The following LMBR1 variants were observed in gnomAD, a reference collection of about 807,000 sequenced individuals.
LMBR1 encodes limb region 1 protein homolog.
A neutral mutation model predicts 73.9 loss-of-function variants in LMBR1; 52 were observed. The ratio of observed to expected loss-of-function variants is 0.70; its 90% CI spans 0.56 to 0.89. The LOEUF (loss-of-function observed/expected upper bound fraction) is 0.89. Ranked by LOEUF, LMBR1 falls within the 40% of genes least tolerant of loss-of-function variation. The pLI is 0.00. For synonymous variants in LMBR1, 215 were observed against 209.4 expected, an observed-to-expected ratio of 1.03 and a Z score of -0.23; for missense variants, 539 against 579.8, an observed-to-expected ratio of 0.93 and a Z score of 0.72.
chr7:156,839,535 T>A (rs1298093635), intron 1 of LMBR1, among the ~76,000 whole-genome samples: 1 of 152,130 alleles, frequency 6.6e-6, no homozygotes, highest in Non-Finnish European at 1.5e-5. Context: ...GACTCTCAAA[T>A]GAAACCATTC....
chr7:156,704,198 C>T (rs559320461), intron 15 of LMBR1, among the ~76,000 whole-genome samples: 8 of 152,312 alleles, frequency 5.3e-5, no homozygotes, highest in South Asian at 4.1e-4. Context: ...GGCACAAGAA[C>T]AGACATGCTT....
At chr7:156,889,821 T>C (rs1357173143) in intron 1 of LMBR1, among the ~76,000 whole-genome samples, 1 of 152,072 alleles carries the variant, frequency 6.6e-6, no homozygotes, top group Middle Eastern at 3.2e-3. Context: ...AGACCTCACC[T>C]CTACAAAAAA....
At chr7:156,853,561 A>G (rs560697410) in intron 1 of LMBR1, among the ~76,000 whole-genome samples, 1 of 152,370 alleles carries the variant, frequency 6.6e-6, no homozygotes, top group Admixed American at 6.5e-5. Context: ...ACTTCTCTGG[A>G]TTAAATCTAT....
In LMBR1 at chr7:156,679,674, C is replaced by G. The variant is rs192131738; in HGVS notation, c.*4404G>C. 1.1e-4 allele frequency: 16 copies of G among 152,040 alleles called. No individual in the cohort carries two copies. Among genetic ancestry groups the G allele is most frequent in the Admixed American group, 7.2e-4 (11 of 15,252 alleles). 9.4% of individuals were successfully genotyped at this position (152,040 alleles called of 1,614,324 possible). A position where few individuals can be genotyped will look rare whatever the true frequency, so the allele number is the denominator to read the frequency against. On this transcript the variant is annotated 3_prime_UTR_variant, in exon 17 of 17. Coordinates refer to ENST00000353442, the MANE Select transcript of LMBR1 (RefSeq NM_022458.4). ...TCAGTTCTCAGACCCATAGCCCACA[C>G]GTGACTCTCCACCTCCTCACACTCA... is the stretch of plus-strand genomic sequence containing the variant.
At chr7:156,820,731 G>T (rs1834644882) in intron 4 of LMBR1, among the ~76,000 whole-genome samples, 2 of 152,208 alleles carry the variant, frequency 1.3e-5, no homozygotes. Context: ...TCATTTGCGT[G>T]TGTTGCTCCA....
intron 1 of LMBR1, among the ~76,000 whole-genome samples, chr7:156,840,687 C>T (rs1393073613): frequency 9.2e-5 from 14 of 151,630 alleles, no homozygotes; most frequent in Admixed American, 8.5e-4. Flanking sequence ...AGGCCGGGCG[C>T]GGTGGCTCAC....
At chr7:156,809,973 T>G (rs1452148914) in intron 4 of LMBR1, among the ~76,000 whole-genome samples, 1 of 151,916 alleles carries the variant, frequency 6.6e-6, no homozygotes, top group Non-Finnish European at 1.5e-5. Flanking sequence ...TTTTCTCAAC[T>G]CCCCTCCTTT....
chr7:156,751,757 G>A (rs1024101848), intron 9 of LMBR1, among the ~76,000 whole-genome samples: 1 of 152,178 alleles, frequency 6.6e-6, no homozygotes, highest in African/African-American at 2.4e-5. Flanking sequence ...CTGAGTAGCT[G>A]GAAGAATGAT....
rs1802138673 is a variant in LMBR1 at position 156,670,057 on chromosome 7, A to T, written n.867-770T>A. On this transcript the variant is annotated intron_variant and non_coding_transcript_variant, in intron 4 of 4. Transcript: ENST00000430825. This position sits in a 1 kb window ranked among gnomAD's most constrained non-coding sequence, Gnocchi z 4.3. ...GTTTTTTTTATTTGCTGTTTATTTA[A>T]TGTTATTCTAAGAAAAAATTAAATT... 6.6e-6 allele frequency among the ~76,000 whole-genome samples: 1 copy of T among 152,144 alleles called. No homozygotes were observed. Among genetic ancestry groups the T allele is most frequent in the Non-Finnish European group, 1.5e-5 (1 of 68,014 alleles).
At chr7:156,691,692 C>T (rs1807210511) in intron 15 of LMBR1, among the ~76,000 whole-genome samples, 1 of 151,848 alleles carries the variant, frequency 6.6e-6, no homozygotes, top group Admixed American at 6.6e-5. Flanking sequence ...ACATAAATAT[C>T]CATGGTTTTA....
intron 9 of LMBR1, among the ~76,000 whole-genome samples, chr7:156,739,881 T>C (rs1047573832): frequency 3.3e-5 from 5 of 152,016 alleles, no homozygotes; most frequent in Admixed American, 6.6e-5. Context: ...CAGGAAAACA[T>C]GACCTCACCA....
At chr7:156,675,447 TA>T (rs1189537412), downstream of LMBR1, among the ~76,000 whole-genome samples, 1 of 152,224 alleles carries the variant, frequency 6.6e-6, no homozygotes, top group Non-Finnish European at 1.5e-5. Context: ...AAATATTCAG[TA>T]TGCCAAGGTG....
At chr7:156,700,411 G>T (rs199916038) in intron 15 of LMBR1, among the ~76,000 whole-genome samples, 1 of 147,770 alleles carries the variant, frequency 6.8e-6, no homozygotes, top group Non-Finnish European at 1.5e-5. Context: ...AGGAGGGGGG[G>T]AGGGATAGCA....
chr7:156,675,368 A>G (rs1035458517), downstream of LMBR1, among the ~76,000 whole-genome samples: 1 of 152,070 alleles, frequency 6.6e-6, no homozygotes, highest in Admixed American at 6.5e-5. Flanking sequence ...AGGGGTGGGG[A>G]GAGGTCAGAC....
rs192565406 is a variant in LMBR1, at chr7:156,846,490, T to A, written c.67-9605A>T. Among the ~76,000 whole-genome samples, 12 of 152,222 alleles carry A rather than the reference T, an allele frequency of 7.9e-5. No individual in the cohort carries two copies. In the East Asian group the frequency reaches 2.1e-3, roughly 27 times the overall value. On this transcript the variant is annotated intron_variant, in intron 1 of 16. Coordinates refer to ENST00000353442, the MANE Select transcript of LMBR1 (RefSeq NM_022458.4). ...ATACTTAACTATAAATCTATCAAAATATGTACAGAATCTGTATAAGAAAGC... is the reference window on the plus strand; with the variant it reads ...ATACTTAACTATAAATCTATCAAAAAATGTACAGAATCTGTATAAGAAAGC...
intron 1 of LMBR1, among the ~76,000 whole-genome samples, chr7:156,863,212 C>T (rs567616035): frequency 1.3e-5 from 2 of 152,212 alleles, no homozygotes; most frequent in African/African-American, 4.8e-5. Context: ...CGTCTGAAAG[C>T]TGAGGAGCAA....
chr7:156,735,537 T>C (rs186887315), intron 9 of LMBR1, among the ~76,000 whole-genome samples: 4 of 117,160 alleles, frequency 3.4e-5, no homozygotes, highest in Non-Finnish European at 5.0e-5. Context: ...CTCTCAGTTT[T>C]TAAGAGTGGT....
In LMBR1 at chr7:156,769,096, C is replaced by T. The variant is rs375863418; in HGVS notation, c.424-5301G>A. Among the ~76,000 whole-genome samples, 40 of 152,236 alleles carry T rather than the reference C, an allele frequency of 2.6e-4. No homozygotes were observed. The highest frequency in any genetic ancestry group is 9.4e-4 in the African/African-American group (39 of 41,530). ...TTGCATAGTATGATCATGTAAAACA[C>T]GAATACCAATTTAATATAGAGTCAG... is the stretch of plus-strand genomic sequence containing the variant. On this transcript the variant is annotated intron_variant, in intron 5 of 16. Coordinates refer to ENST00000353442, the MANE Select transcript of LMBR1 (RefSeq NM_022458.4).
chr7:156,829,377 G>A (rs1165571520), intron 3 of LMBR1, among the ~76,000 whole-genome samples: 1 of 152,198 alleles, frequency 6.6e-6, no homozygotes, highest in Non-Finnish European at 1.5e-5. Context: ...CTGGATCGTA[G>A]GAGCAGACAG....
Sources: gnomAD v4.1 joint callset for allele counts (sites outside exome capture counted in the v4.1 genomes callset) on GRCh38, gnomAD v4.1.1 for gene constraint, Gnocchi (gnomAD v3.1) non-coding constraint, MANE v1.5 for transcripts, NCBI Gene and HGNC (gene_info 2026-07-23, HGNC 2026-07-21) for gene names.